The following NINL variants were observed in gnomAD, a reference collection of about 807,000 sequenced individuals.
NINL encodes ninein like, also known as ninein-like protein.
NINL carries 153 observed loss-of-function variants against 160.3 expected under a neutral mutation model. That is an observed-to-expected ratio of 0.95 (90% CI 0.84 to 1.09). The LOEUF is 1.09. NINL is among the 50% of genes least tolerant of loss of function. The pLI is 0.00. For missense variants in NINL, 1,829 were observed against 1,764.0 expected, an observed-to-expected ratio of 1.04 and a Z score of -0.66; for synonymous variants, 800 against 734.8, an observed-to-expected ratio of 1.09 and a Z score of -1.43.
At chr20:25,540,975 T>C (rs4815429) in intron 1 of NINL, among the ~76,000 whole-genome samples, 66,035 of 151,638 alleles carry the variant, frequency 0.44, 15,764 homozygotes, top group Admixed American at 0.55. Context: ...AGCTTTTTTA[T>C]TGTTTCAGTC....
chr20:25,467,232 T>C (rs368636), intron 19 of NINL, among the ~76,000 whole-genome samples, 157 bp downstream of exon 19: 4,125 of 152,322 alleles, frequency 0.027, 179 homozygotes, highest in African/African-American at 0.09. Context: ...CCGTGTTTAG[T>C]GTCTGACTTT....
rs186084760 is a variant in NINL, at chr20:25,539,485, G to A, written c.-11-12887C>T. Among the ~76,000 whole-genome samples the A allele has an allele frequency of 7.2e-5, 11 of 152,320 alleles. No individual in the cohort carries two copies. The East Asian group carries it at 1.2e-3, about 16-fold the overall frequency. On this transcript the variant is annotated intron_variant, in intron 1 of 23. Transcript: ENST00000278886. ...ACTAAACACCTGCTACTAAGGGGGC[G>A]ATGACTGAAAAGGCCAGGCGCTCCA...
chr20:25,455,045 C>T (rs994852646), intron 23 of NINL, among the ~76,000 whole-genome samples: 14 of 152,130 alleles, frequency 9.2e-5, no homozygotes, highest in African/African-American at 2.9e-4. Context: ...CCAGCCATGG[C>T]GGCCTCCTCC....
In NINL at chr20:25,453,631, GTTC is replaced by G; in HGVS notation, c.3966_3968del (p.Lys1322del). The stretch of plus-strand genomic sequence containing the variant: ...CCTTCAGCAGCAGGTCGGACTTCGT[GTTC>G]TTTTCAAACTAGAGAGGGGAGGAAG... On this transcript the variant is annotated inframe_deletion, in exon 24 of 24. Transcript: ENST00000278886. 6.2e-7 allele frequency: 1 copy of G among 1,604,890 alleles called. No individual in the cohort carries two copies. Among genetic ancestry groups the G allele is most frequent in the Non-Finnish European group, 8.5e-7 (1 of 1,175,818 alleles).
intron 15 of NINL, among the ~76,000 whole-genome samples, 187 bp downstream of exon 15, chr20:25,479,974 C>G (rs2063352730): frequency 6.6e-6 from 1 of 152,224 alleles, no homozygotes; most frequent in Admixed American, 6.5e-5. Flanking sequence ...TGTGTCCTTC[C>G]AAAGAGGGTT....
chr20:25,547,017 C>A (rs954176897), intron 1 of NINL, among the ~76,000 whole-genome samples: 1 of 152,194 alleles, frequency 6.6e-6, no homozygotes, highest in Non-Finnish European at 1.5e-5. Context: ...AGAACCAGGG[C>A]CACCCTTATG....
chr20:25,483,335 CAAAA>C (rs11477331), intron 13 of NINL, among the ~76,000 whole-genome samples: 1 of 140,660 alleles, frequency 7.1e-6, no homozygotes. Context: ...TCTGTCTCAA[CAAAA>C]AAAAAAAAAG....
chr20:25,542,018 C>T (rs187892163), intron 1 of NINL, among the ~76,000 whole-genome samples: 1 of 152,326 alleles, frequency 6.6e-6, no homozygotes, highest in African/African-American at 2.4e-5. Context: ...GGCCTGCTAC[C>T]ATCCCTGTTC....
At chr20:25,544,029 G>C (rs1254122312) in intron 1 of NINL, among the ~76,000 whole-genome samples, 4 of 130,570 alleles carry the variant, frequency 3.1e-5, no homozygotes, top group Non-Finnish European at 6.3e-5. Context: ...TGATTACTCT[G>C]TGGCCTTGTA....
rs570706372 is a variant in NINL, at chr20:25,459,210, C to G, written c.3697-681G>C. On this transcript the variant is annotated intron_variant, in intron 21 of 23. Transcript: ENST00000278886. The stretch of plus-strand genomic sequence containing the variant: ...AGACCCCAAGACGGAGTGGGAATCA[C>G]GCACGCTCCATCGGGGTCATATTTG... Among the ~76,000 whole-genome samples, 3 of 152,342 alleles carry G rather than the reference C, an allele frequency of 2.0e-5. No individual in the cohort carries two copies. The East Asian group carries it at 5.8e-4, about 29-fold the overall frequency.
intron 6 of NINL, among the ~76,000 whole-genome samples, chr20:25,504,537 G>A (rs1280696118): frequency 1.3e-5 from 2 of 152,194 alleles, no homozygotes; most frequent in African/African-American, 4.8e-5. Context: ...ACAGGCTTGG[G>A]GGCCTTGTCT....
chr20:25,499,365 G>C, intron 8 of NINL: 9 of 344,164 alleles, frequency 2.6e-5, no homozygotes, highest in Non-Finnish European at 3.7e-5. Context: ...CGAGGGAGAA[G>C]CCACCCAGGG....
intron 1 of NINL, among the ~76,000 whole-genome samples, chr20:25,528,494 G>A (rs1370327933): frequency 2.0e-5 from 3 of 152,020 alleles, no homozygotes; most frequent in Admixed American, 1.3e-4. Context: ...CAACTTTCTG[G>A]AGGAAAATAT....
At position 25,453,236 on chromosome 20, in the gene NINL, T is replaced by C. The variant is rs1156233922; in HGVS notation, c.*215A>G. On this transcript the variant is annotated 3_prime_UTR_variant, in exon 24 of 24. Transcript: ENST00000278886. Reference sequence around the variant, plus strand: ...AAGGGAAATTACTCAGGACCGCTAATAAAAACGCCGGCTTCTGCAACATGC... The same window carrying C: ...AAGGGAAATTACTCAGGACCGCTAACAAAAACGCCGGCTTCTGCAACATGC... 2.3e-6 allele frequency: 1 copy of C among 435,850 alleles called. No individual in the cohort carries two copies. Among genetic ancestry groups the C allele is most frequent in the Non-Finnish European group, 4.0e-6 (1 of 251,316 alleles). 27.0% of individuals were successfully genotyped at this position (435,850 alleles called of 1,614,324 possible). A position where few individuals can be genotyped will look rare whatever the true frequency, so the allele number is the denominator to read the frequency against.
Position 25,517,790 on chromosome 20 carries a change from A to AAC in NINL, c.238_239dup (p.Arg81PhefsTer24), listed in dbSNP as rs776305572. The AAC allele has an allele frequency of 2.5e-5, 40 of 1,608,438 alleles. No homozygotes were observed. Among genetic ancestry groups the AAC allele is most frequent in the Non-Finnish European group, 3.4e-5 (40 of 1,178,664 alleles). On this transcript the variant is annotated frameshift_variant, in exon 3 of 24. Coordinates refer to ENST00000278886, the MANE Select transcript of NINL (RefSeq NM_025176.6). LOFTEE classifies it high-confidence loss of function. ...AACTACTGTCTTCATCTGAGGGGCG[A>AAC]ACACCAGCATTTGAAGACAACACAG...
intron 1 of NINL, among the ~76,000 whole-genome samples, chr20:25,556,717 G>A (rs979222961): frequency 1.3e-5 from 2 of 152,182 alleles, no homozygotes; most frequent in South Asian, 2.1e-4. Flanking sequence ...TGAGGTGGGA[G>A]GATCACTTGG....
intron 3 of NINL, among the ~76,000 whole-genome samples, chr20:25,515,900 G>A (rs2064152207): frequency 6.6e-6 from 1 of 151,988 alleles, no homozygotes; most frequent in African/African-American, 2.4e-5. Flanking sequence ...CCTCCCAAGT[G>A]TCTGGGACAA....
chr20:25,512,801 G>C (rs1568931486), intron 4 of NINL, 33 bp downstream of exon 4: 1 of 1,579,626 alleles, frequency 6.3e-7, no homozygotes, highest in Non-Finnish European at 8.6e-7. Context: ...TCCCAACACT[G>C]GGCAGCTGGG....
At chr20:25,548,776 CA>C (rs2064769092) in intron 1 of NINL, among the ~76,000 whole-genome samples, 1 of 149,580 alleles carries the variant, frequency 6.7e-6, no homozygotes, top group Non-Finnish European at 1.5e-5. Context: ...CACCCACGGC[CA>C]CAGCTCCCAC....
Sources: gnomAD v4.1 joint callset for allele counts (sites outside exome capture counted in the v4.1 genomes callset) on GRCh38, gnomAD v4.1.1 for gene constraint, MANE v1.5 for transcripts, NCBI Gene and HGNC (gene_info 2026-07-23, HGNC 2026-07-21) for gene names.